Variants in SRGAP1 observed in about 807,000 individuals in gnomAD.
SRGAP1 encodes the protein SLIT-ROBO Rho GTPase-activating protein 1.
Under a neutral mutation model 121.9 loss-of-function variants are expected in SRGAP1, and 43 were observed. The observed-to-expected ratio is 0.35, with a 90% CI of 0.28 to 0.46. The LOEUF (loss-of-function observed/expected upper bound fraction) is 0.46. SRGAP1 is among the 20% of genes least tolerant of loss of function. The pLI is 1.00. For missense variants in SRGAP1, 1,102 were observed against 1,350.9 expected, an observed-to-expected ratio of 0.82 and a Z score of 2.89; for synonymous variants, 447 against 485.4, an observed-to-expected ratio of 0.92 and a Z score of 1.04.
At chr12:63,876,561 G>GA (rs1900035532) in intron 1 of SRGAP1, among the ~76,000 whole-genome samples, 2 of 152,158 alleles carry the variant, frequency 1.3e-5, no homozygotes, top group Non-Finnish European at 2.9e-5. Flanking sequence ...CTCTGATGGA[G>GA]AATAACTATA....
At chr12:63,966,458 G>A (rs1385227485) in intron 1 of SRGAP1, among the ~76,000 whole-genome samples, 1 of 152,100 alleles carries the variant, frequency 6.6e-6, no homozygotes, top group Non-Finnish European at 1.5e-5. Flanking sequence ...GTTAACAAAG[G>A]AAATCTTCAC....
At chr12:64,128,305 C>G (rs2036732825) in intron 21 of SRGAP1, 105 bp downstream of exon 21, 3 of 1,112,504 alleles carry the variant, frequency 2.7e-6, no homozygotes, top group Non-Finnish European at 3.7e-6. Context: ...CTTTATATTT[C>G]TGTATAGAAC....
chr12:63,963,687 C>G (rs1249134338), intron 1 of SRGAP1, among the ~76,000 whole-genome samples: 1 of 152,152 alleles, frequency 6.6e-6, no homozygotes, highest in East Asian at 1.9e-4. Context: ...CTCTCTGTAT[C>G]ACCCATCCTC....
intron 7 of SRGAP1, 129 bp downstream of exon 7, chr12:64,063,267 T>C: frequency 1.2e-6 from 1 of 843,558 alleles, no homozygotes; most frequent in Non-Finnish European, 1.8e-6. Context: ...AGGCTCTTAA[T>C]ATAATGCTAA....
intron 12 of SRGAP1, among the ~76,000 whole-genome samples, chr12:64,092,613 G>A (rs2036075498): frequency 6.6e-6 from 1 of 152,106 alleles, no homozygotes; most frequent in Non-Finnish European, 1.5e-5. Context: ...ACTGCCTTAA[G>A]CCTTAAATCC....
At chr12:64,123,748 T>C (rs534590592) in intron 18 of SRGAP1, among the ~76,000 whole-genome samples, 4 of 151,912 alleles carry the variant, frequency 2.6e-5, no homozygotes, top group Non-Finnish European at 5.9e-5. Context: ...GGCCACACAG[T>C]GATCCTCCTG....
At chr12:64,096,311 A>G (rs2036153955) in intron 14 of SRGAP1, among the ~76,000 whole-genome samples, 1 of 152,234 alleles carries the variant, frequency 6.6e-6, no homozygotes, top group South Asian at 2.1e-4. Context: ...GGAACAGAGA[A>G]AAGAGAACAA....
At chr12:64,142,192 T>A in intron 21 of SRGAP1, 103 bp from the exon 22 acceptor site, 1 of 1,212,888 alleles carries the variant, frequency 8.2e-7, no homozygotes, top group Non-Finnish European at 1.2e-6. Context: ...AAGATATCCA[T>A]ACTCTGCTGG....
intron 8 of SRGAP1, among the ~76,000 whole-genome samples, chr12:64,066,963 A>G (rs1193152976): frequency 6.6e-6 from 1 of 152,222 alleles, no homozygotes; most frequent in African/African-American, 2.4e-5. Flanking sequence ...TATTATACAC[A>G]AAGTCAAAAC....
At chr12:63,969,574 A>C (rs1005597545) in intron 1 of SRGAP1, among the ~76,000 whole-genome samples, 3 of 152,136 alleles carry the variant, frequency 2.0e-5, no homozygotes, top group African/African-American at 7.2e-5. Context: ...CAGGCGGATC[A>C]CGAGGTCAGG....
intron 19 of SRGAP1, among the ~76,000 whole-genome samples, chr12:64,126,792 G>A (rs910449755): frequency 1.3e-5 from 2 of 151,976 alleles, no homozygotes; most frequent in African/African-American, 4.8e-5. Context: ...AGAAATGTGT[G>A]TATATGCAGA....
intron 6 of SRGAP1, among the ~76,000 whole-genome samples, chr12:64,061,810 T>G (rs189102778): frequency 2.6e-4 from 39 of 152,336 alleles, no homozygotes; most frequent in African/African-American, 8.9e-4. Flanking sequence ...GTGACTTGCT[T>G]CTTTCACTTA....
intron 1 of SRGAP1, among the ~76,000 whole-genome samples, chr12:63,860,367 A>G (rs577568777): frequency 1.3e-5 from 2 of 152,318 alleles, no homozygotes; most frequent in Admixed American, 1.3e-4. Flanking sequence ...TCCTTTTAAT[A>G]TAATTACATT....
intron 3 of SRGAP1, among the ~76,000 whole-genome samples, chr12:63,998,054 T>C (rs2033764273): frequency 6.6e-6 from 1 of 152,166 alleles, no homozygotes; most frequent in Non-Finnish European, 1.5e-5. Flanking sequence ...CCCACCTCCC[T>C]TCCCCAGCTT....
chr12:63,887,602 T>G (rs1018791309), intron 1 of SRGAP1: 1 of 152,236 alleles, frequency 6.6e-6, no homozygotes, highest in African/African-American at 2.4e-5. Flanking sequence ...ATCAGGTGGA[T>G]CATCACTTCT....
intron 1 of SRGAP1, among the ~76,000 whole-genome samples, chr12:63,891,460 A>G (rs1900578088): frequency 6.6e-6 from 1 of 152,150 alleles, no homozygotes. Context: ...CCTCTGAACC[A>G]CTTCTGTGGC....
rs1200371609 is a variant in SRGAP1 at position 64,152,016 on chromosome 12, C to T, written c.*9344C>T. 2 of 152,094 alleles carry T rather than the reference C, an allele frequency of 1.3e-5. No individual in the cohort carries two copies. The highest frequency in any genetic ancestry group is 2.9e-5 in the Non-Finnish European group (2 of 68,004). The allele number at this position is 152,094 out of a possible 1,614,324, so 9.4% of individuals were successfully genotyped here. On this transcript the variant is annotated 3_prime_UTR_variant, in exon 22 of 22. Transcript: ENST00000355086. ...ACGGTGGTGTGGCTGTGCCCACTGTCTCCTCCTTGAAATGATTATCTACAC... is the reference window on the plus strand; with the variant it reads ...ACGGTGGTGTGGCTGTGCCCACTGTTTCCTCCTTGAAATGATTATCTACAC...
At position 64,147,148 on chromosome 12, in the gene SRGAP1, C is replaced by G; in HGVS notation, c.*4476C>G. On this transcript the variant is annotated 3_prime_UTR_variant, in exon 22 of 22. Transcript: ENST00000355086. Reference sequence around the variant, plus strand: ...TGTAACAGGAGAGACTGCTGTTTACCTACGTACTGAAGGGTAACTGCTGCC... The same window carrying G: ...TGTAACAGGAGAGACTGCTGTTTACGTACGTACTGAAGGGTAACTGCTGCC... 4.7e-6 allele frequency: 1 copy of G among 213,190 alleles called. No individual in the cohort carries two copies. The highest frequency in any genetic ancestry group is 9.2e-6 in the Non-Finnish European group (1 of 108,410). The allele number at this position is 213,190 out of a possible 1,614,324, so 13.2% of individuals were successfully genotyped here.
chr12:63,912,117 TTTTTAATGATACTAATA>T (rs368101827), intron 1 of SRGAP1, among the ~76,000 whole-genome samples: 10 of 152,298 alleles, frequency 6.6e-5, no homozygotes, highest in African/African-American at 2.4e-4. Flanking sequence ...TTTCCTTTTA[TTTTTAATGATACTAATA>T]ACTCAGGGAC....
Sources: gnomAD v4.1 joint callset for allele counts (sites outside exome capture counted in the v4.1 genomes callset) on GRCh38, gnomAD v4.1.1 for gene constraint, MANE v1.5 for transcripts, NCBI Gene and HGNC (gene_info 2026-07-23, HGNC 2026-07-21) for gene names.